Variants in PWWP3B observed in about 807,000 individuals in gnomAD.
PWWP3B encodes the protein PWWP domain containing 3B, also known as PWWP domain-containing DNA repair factor 3B.
Under a neutral mutation model 15.7 loss-of-function variants are expected in PWWP3B, and 5 were observed. The observed-to-expected ratio is 0.32, with a 90% CI of 0.17 to 0.67. PWWP3B has a LOEUF of 0.67. Among genes scored for constraint, PWWP3B ranks in the 30% least tolerant of loss-of-function variants. The pLI is 0.74. For missense variants in PWWP3B, 519 were observed against 493.1 expected (o/e 1.05, Z -0.50); for synonymous variants, 203 against 179.8 (o/e 1.13, Z -1.03).
rs1226322420 is a variant in PWWP3B, at chrX:106,184,757, C to G, written c.-401+13618C>G. ...CTATCGGGATTGTCTGAAAACTTCC[C>G]CAGGTCTGCCTTGATCTGCTTTAAA... On this transcript the variant is annotated intron_variant, in intron 2 of 3. Coordinates refer to ENST00000357175, the MANE Select transcript of PWWP3B (RefSeq NM_001171020.2). 9.8e-5 allele frequency among the ~76,000 whole-genome samples: 11 copies of G among 111,747 alleles called. No individual in the cohort carries two copies. The Admixed American group carries it at 1.0e-3, about 11-fold the overall frequency.
intron 2 of PWWP3B, among the ~76,000 whole-genome samples, chrX:106,173,040 A>G (rs1921703843): frequency 8.9e-6 from 1 of 112,124 alleles, no homozygotes; most frequent in Admixed American, 9.4e-5. Flanking sequence ...ATTCTCTTAA[A>G]TAATATTTTG....
intron 2 of PWWP3B, among the ~76,000 whole-genome samples, chrX:106,182,275 G>A (rs1922252131): frequency 8.9e-6 from 1 of 111,803 alleles, no homozygotes; most frequent in Non-Finnish European, 1.9e-5. Flanking sequence ...GGCTATTCCA[G>A]TTCCTGTAGC....
intron 2 of PWWP3B, among the ~76,000 whole-genome samples, chrX:106,192,105 C>T (rs772674852): frequency 2.6e-4 from 29 of 111,826 alleles, no homozygotes; most frequent in South Asian, 7.5e-4. Context: ...GGAATAGTTT[C>T]AGAAGGAATG....
Position 106,206,260 on chromosome X carries a change from A to G in PWWP3B, c.828A>G (p.Ser276=). 2 of 1,207,201 alleles carry G rather than the reference A, an allele frequency of 1.7e-6. No homozygotes were observed. The highest frequency in any genetic ancestry group is 1.8e-5 in the South Asian group (1 of 56,252). ...LAVPSECSAF[S]ENIEDPGEGP... is the part of the protein sequence containing the mutation. The stretch of plus-strand genomic sequence containing the variant: ...TTCCCTCTGAATGCTCTGCTTTCTC[A>G]GAGAATATTGAGGATCCTGGAGAGG... The change falls in exon 4 of 4, where the codon TCA becomes TCG. Residue 276 remains serine, a synonymous_variant. Transcript: ENST00000357175.
intron 2 of PWWP3B, among the ~76,000 whole-genome samples, chrX:106,180,527 A>G (rs1425433414): frequency 9.0e-6 from 1 of 111,514 alleles, no homozygotes; most frequent in Non-Finnish European, 1.9e-5. Context: ...ACCCTCTAGT[A>G]TTGCCTATTT....
chrX:106,178,387 T>C (rs1922011781), intron 2 of PWWP3B, among the ~76,000 whole-genome samples: 1 of 112,193 alleles, frequency 8.9e-6, no homozygotes, highest in South Asian at 3.7e-4. Context: ...GTCTGAGAAG[T>C]AAAAAGAGCA....
In PWWP3B at chrX:106,199,632, A is replaced by AG. The variant is rs1304238293; in HGVS notation, c.-400-4352dup. ...AGAAAGGGGGAAAGTGGAAAAAAAA[A>AG]GCCCAAGCTGGTTATTTATCCCCCT... On this transcript the variant is annotated intron_variant, in intron 2 of 3. Transcript: ENST00000357175. 7.2e-5 allele frequency among the ~76,000 whole-genome samples: 8 copies of AG among 111,188 alleles called. No homozygotes were observed. The Admixed American group carries it at 7.7e-4, about 11-fold the overall frequency.
intron 2 of PWWP3B, among the ~76,000 whole-genome samples, chrX:106,189,612 CTTT>C (rs1277003635): frequency 1.3e-5 from 1 of 77,860 alleles, no homozygotes. Context: ...GCCACATTTT[CTTT>C]TTTTTTTTTT....
chrX:106,185,297 G>A (rs1922442535), intron 2 of PWWP3B, among the ~76,000 whole-genome samples: 2 of 111,280 alleles, frequency 1.8e-5, no homozygotes, highest in Admixed American at 1.9e-4. Context: ...TGATACCTGA[G>A]TGTTTCCCAT....
chrX:106,203,533 A>C (rs899368855), intron 2 of PWWP3B, among the ~76,000 whole-genome samples: 1 of 111,998 alleles, frequency 8.9e-6, no homozygotes. Flanking sequence ...TTTTCCAGCC[A>C]ACCATTGTTA....
At chrX:106,200,054 C>T (rs1157296446) in intron 2 of PWWP3B, among the ~76,000 whole-genome samples, 2 of 111,458 alleles carry the variant, frequency 1.8e-5, no homozygotes, top group African/African-American at 6.5e-5. Context: ...AGTTGGGGAT[C>T]CATGCCTAAA....
intron 2 of PWWP3B, among the ~76,000 whole-genome samples, chrX:106,191,037 T>G (rs1245061923): frequency 9.0e-6 from 1 of 110,566 alleles, no homozygotes; most frequent in Non-Finnish European, 1.9e-5. Flanking sequence ...GGCTCTTTTT[T>G]GGTTCCATAT....
intron 2 of PWWP3B, among the ~76,000 whole-genome samples, chrX:106,195,622 G>C (rs1423362609): frequency 1.8e-5 from 2 of 111,511 alleles, no homozygotes; most frequent in Non-Finnish European, 3.8e-5. Flanking sequence ...AAAATCTGTT[G>C]GCTATATTTG....
At chrX:106,203,381 C>G (rs1158182810) in intron 2 of PWWP3B, among the ~76,000 whole-genome samples, 1 of 111,257 alleles carries the variant, frequency 9.0e-6, no homozygotes, top group Non-Finnish European at 1.9e-5. Flanking sequence ...ATTCTAGAAG[C>G]CTGAGAAGAC....
chrX:106,208,410 G>C lies in PWWP3B; in HGVS notation c.*887G>C, dbSNP rs1220644411. 1 of 123,872 alleles carries C rather than the reference G, an allele frequency of 8.1e-6. No individual in the cohort carries two copies. The highest frequency in any genetic ancestry group is 1.9e-5 in the Non-Finnish European group (1 of 53,451). The allele number at this position is 123,872 out of a possible 1,213,427, so 10.2% of individuals were successfully genotyped here. ...TGGCCACTCTAGACATATGAATCCA[G>C]GCTGACTGCTTAAGTGCCCATCTCG... On this transcript the variant is annotated 3_prime_UTR_variant, in exon 4 of 4. Transcript: ENST00000357175.
At chrX:106,199,120 C>A (rs1923548424) in intron 2 of PWWP3B, among the ~76,000 whole-genome samples, 1 of 106,497 alleles carries the variant, frequency 9.4e-6, no homozygotes, top group Admixed American at 1.0e-4. Flanking sequence ...GCTATCTTGG[C>A]TCACTGCAAG....
intron 2 of PWWP3B, among the ~76,000 whole-genome samples, chrX:106,186,378 C>A (rs1213094676): frequency 9.0e-6 from 1 of 111,330 alleles, no homozygotes; most frequent in East Asian, 2.8e-4. Context: ...GTTAGAGAGC[C>A]CTTTCCCAAA....
chrX:106,190,525 C>T (rs1922858917), intron 2 of PWWP3B, among the ~76,000 whole-genome samples: 1 of 111,485 alleles, frequency 9.0e-6, no homozygotes, highest in Non-Finnish European at 1.9e-5. Context: ...GTTTCTTTTG[C>T]TGTACAGAAG....
chrX:106,188,142 CAT>C (rs1226491805), intron 2 of PWWP3B, among the ~76,000 whole-genome samples: 1 of 111,466 alleles, frequency 9.0e-6, no homozygotes, highest in Non-Finnish European at 1.9e-5. Context: ...GGTTTCTTGA[CAT>C]ATGTCCTGTA....
Sources: gnomAD v4.1 joint callset for allele counts (sites outside exome capture counted in the v4.1 genomes callset) on GRCh38, gnomAD v4.1.1 for gene constraint, MANE v1.5 for transcripts, NCBI Gene and HGNC (gene_info 2026-07-23, HGNC 2026-07-21) for gene names.